SETD2: variants seen among roughly 807,000 people sequenced by gnomAD.
SETD2 encodes SET domain containing 2, histone lysine methyltransferase, also known as histone-lysine N-methyltransferase SETD2.
In SETD2, 31 loss-of-function variants were observed where a neutral mutation model predicts 242.1. The observed-to-expected ratio is 0.13, with a 90% CI of 0.10 to 0.17. The LOEUF is 0.17. Among genes scored for constraint, SETD2 ranks in the 10% least tolerant of loss-of-function variants. SETD2 has a pLI of 1.00. For missense variants in SETD2, 2,481 were observed against 3,046.3 expected, an observed-to-expected ratio of 0.81 and a Z score of 4.37; for synonymous variants, 1,006 against 1,066.5, an observed-to-expected ratio of 0.94 and a Z score of 1.11.
chr3:47,126,573 G>T, intron 2 of SETD2, 75 bp downstream of exon 2: 1 of 745,590 alleles, frequency 1.3e-6, no homozygotes, highest in Non-Finnish European at 2.2e-6. Context: ...AGTGTTTTCA[G>T]CTTTTACCCA....
At chr3:47,041,487 C>CAA in intron 17 of SETD2, 1 of 203,276 alleles carries the variant, frequency 4.9e-6, no homozygotes, top group African/African-American at 2.4e-5. Flanking sequence ...TCTGTCTCTA[C>CAA]AAAAAAAAGA....
intron 5 of SETD2, among the ~76,000 whole-genome samples, chr3:47,112,154 C>T (rs963099908): frequency 6.6e-6 from 1 of 151,490 alleles, no homozygotes. Context: ...CGCTCTGTCC[C>T]CCAGGCTGGA....
chr3:47,161,149 C>G (rs1464480486), intron 1 of SETD2, among the ~76,000 whole-genome samples: 2 of 152,182 alleles, frequency 1.3e-5, no homozygotes, highest in Non-Finnish European at 2.9e-5. Flanking sequence ...GTCTTTTCAT[C>G]CTCAACTTAA....
chr3:47,022,962 T>C (rs2038298963), intron 18 of SETD2, among the ~76,000 whole-genome samples: 1 of 152,228 alleles, frequency 6.6e-6, no homozygotes, highest in African/African-American at 2.4e-5. Context: ...AATCACCCTT[T>C]ATTATAAATA....
At chr3:47,140,981 C>T (rs1403904586) in intron 1 of SETD2, among the ~76,000 whole-genome samples, 1 of 152,082 alleles carries the variant, frequency 6.6e-6, no homozygotes, top group Non-Finnish European at 1.5e-5. Context: ...AGACTGTAGA[C>T]TCTAAGCTCG....
Position 47,097,937 on chromosome 3 carries a change from A to C in SETD2, c.5142+18T>G. 1 of 1,609,876 alleles carries C rather than the reference A, an allele frequency of 6.2e-7. No individual in the cohort carries two copies. The highest frequency in any genetic ancestry group is 8.5e-7 in the Non-Finnish European group (1 of 1,178,088). On this transcript the variant is annotated intron_variant, in intron 9 of 20. Coordinates refer to ENST00000409792, the MANE Select transcript of SETD2 (RefSeq NM_014159.7). ...TAAATTTTTTATTGTGAAAGTTGAA[A>C]GAAAAATGCAAACTTACTGAATCCT...
At chr3:47,100,501 G>A (rs2042168003) in intron 8 of SETD2, among the ~76,000 whole-genome samples, 1 of 151,658 alleles carries the variant, frequency 6.6e-6, no homozygotes, top group Non-Finnish European at 1.5e-5. Context: ...TGATCTGCCC[G>A]CCTCAGCCTC....
chr3:47,031,635 T>C (rs1242733734), intron 18 of SETD2, among the ~76,000 whole-genome samples: 3 of 152,286 alleles, frequency 2.0e-5, no homozygotes, highest in South Asian at 2.1e-4. Flanking sequence ...TGGGTAAATA[T>C]AGGACTTAAT....
intron 18 of SETD2, among the ~76,000 whole-genome samples, chr3:47,021,524 T>C (rs1447979460): frequency 6.6e-6 from 1 of 152,028 alleles, no homozygotes; most frequent in Non-Finnish European, 1.5e-5. Flanking sequence ...TAGAATACAA[T>C]CCACTGAGCT....
chr3:47,067,031 T>C, intron 13 of SETD2, 39 bp downstream of exon 13: 1 of 1,521,418 alleles, frequency 6.6e-7, no homozygotes, highest in Non-Finnish European at 9.1e-7. Flanking sequence ...AAAAGAATAT[T>C]TGTAAAGCCA....
chr3:47,062,427 A>G, intron 13 of SETD2, 81 bp from the exon 14 acceptor site: 1 of 1,275,438 alleles, frequency 7.8e-7, no homozygotes, highest in African/African-American at 1.5e-5. Flanking sequence ...ACAATGTATC[A>G]ACTGTATAAT....
At position 47,018,286 on chromosome 3, in the gene SETD2, C is replaced by T. The variant is rs142895347; in HGVS notation, c.7432-547G>A. Among the ~76,000 whole-genome samples, 51 of 152,290 alleles carry T rather than the reference C, an allele frequency of 3.3e-4. No individual in the cohort carries two copies. In the Middle Eastern group the frequency reaches 0.014, roughly 41 times the overall value. The stretch of plus-strand genomic sequence containing the variant: ...AAGCAGAATCCTTTTCCTTCCACCA[C>T]TTACTATGTCCTCCCTGGGCTGTCT... On this transcript the variant is annotated intron_variant, in intron 19 of 20. Transcript: ENST00000409792.
chr3:47,081,925 A>G (rs947315224), intron 12 of SETD2, among the ~76,000 whole-genome samples: 1 of 152,230 alleles, frequency 6.6e-6, no homozygotes, highest in Non-Finnish European at 1.5e-5. Flanking sequence ...AAGGATAAGA[A>G]GGATATATTT....
At chr3:47,088,858 CAT>C (rs1223536227) in intron 9 of SETD2, among the ~76,000 whole-genome samples, 1 of 152,118 alleles carries the variant, frequency 6.6e-6, no homozygotes, top group Non-Finnish European at 1.5e-5. Context: ...AAATTCTGCA[CAT>C]GTGTACCTGG....
chr3:47,047,641 T>C (rs2039590391), intron 15 of SETD2, among the ~76,000 whole-genome samples: 1 of 152,222 alleles, frequency 6.6e-6, no homozygotes, highest in Non-Finnish European at 1.5e-5. Flanking sequence ...TCTGAATGAA[T>C]AATTACTGAC....
At chr3:47,049,467 G>A (rs2039705023) in intron 15 of SETD2, among the ~76,000 whole-genome samples, 2 of 144,504 alleles carry the variant, frequency 1.4e-5, no homozygotes, top group Admixed American at 1.4e-4. Flanking sequence ...CCGCCTCCCG[G>A]GTTCACGCCA....
chr3:47,029,363 C>A (rs1016016967), intron 18 of SETD2, among the ~76,000 whole-genome samples: 3 of 151,760 alleles, frequency 2.0e-5, no homozygotes, highest in African/African-American at 7.3e-5. Flanking sequence ...TCAAGCCACC[C>A]TTCAATCTTG....
chr3:47,160,467 A>ATTT (rs3036093), intron 1 of SETD2, among the ~76,000 whole-genome samples: 6 of 142,762 alleles, frequency 4.2e-5, no homozygotes, highest in African/African-American at 1.0e-4. Context: ...CACCAGACTA[A>ATTT]TTTTTTTTTT....
chr3:47,123,692 T>A lies in SETD2; in HGVS notation c.944A>T (p.Glu315Val), dbSNP rs1559749430. 1.3e-6 allele frequency: 2 copies of A among 1,551,478 alleles called. No homozygotes were observed. The highest frequency in any genetic ancestry group is 1.7e-6 in the Non-Finnish European group (2 of 1,146,968). Residue 315 changes from glutamate (E) to valine (V), a missense_variant, in exon 3 of 21, where the codon GAA (glutamate) becomes GTA (valine). Coordinates refer to ENST00000409792, the MANE Select transcript of SETD2 (RefSeq NM_014159.7). ...TGSKKKSSQS[E>V]GIFLGSESDE... ...AGATTCTGAACCAAGAAAGATGCCT[T>A]CAGATTGTGAGGATTTCTTCTTAGA...
Sources: allele counts gnomAD v4.1 joint callset (sites outside exome capture counted in the v4.1 genomes callset), GRCh38; gene constraint gnomAD v4.1.1; transcripts MANE v1.5; gene names NCBI Gene and HGNC (gene_info 2026-07-23, HGNC 2026-07-21).